RASSF8: variants seen among roughly 807,000 people sequenced by gnomAD.
RASSF8 encodes the protein ras association domain-containing protein 8.
RASSF8 carries 22 observed loss-of-function variants against 48.5 expected under a neutral mutation model. That is an observed-to-expected ratio of 0.45 (90% confidence interval 0.32 to 0.65). The LOEUF is 0.65. RASSF8 is among the 30% of genes least tolerant of loss of function. The pLI is 0.03. For synonymous variants in RASSF8, 127 were observed against 171.5 expected (o/e 0.74, Z 2.03); for missense variants, 418 against 489.2 (o/e 0.85, Z 1.37).
downstream of RASSF8, among the ~76,000 whole-genome samples, chr12:26,076,333 G>A (rs549291828): frequency 6.6e-6 from 1 of 152,002 alleles, no homozygotes; most frequent in South Asian, 2.1e-4. Context: ...TGTTACATAG[G>A]TATACATGTG....
chr12:26,074,116 C>T (rs1944049146), downstream of RASSF8, among the ~76,000 whole-genome samples: 2 of 152,100 alleles, frequency 1.3e-5, no homozygotes, highest in African/African-American at 4.8e-5. Flanking sequence ...TCCACCCTGT[C>T]CTCTAAAATC....
intron 2 of RASSF8, among the ~76,000 whole-genome samples, chr12:26,047,162 A>C (rs16929958): frequency 0.039 from 5,897 of 152,272 alleles, 542 homozygotes; most frequent in East Asian, 0.27. Context: ...ATTGCAAAAC[A>C]GATGGCTTTT....
intron 3 of RASSF8, among the ~76,000 whole-genome samples, chr12:26,058,066 T>C (rs1943649539): frequency 1.3e-5 from 2 of 152,226 alleles, no homozygotes; most frequent in South Asian, 2.1e-4. Context: ...CAGAGTATAC[T>C]TATTTGTGAA....
At chr12:26,050,700 G>C (rs935930229) in intron 2 of RASSF8, among the ~76,000 whole-genome samples, 6 of 152,190 alleles carry the variant, frequency 3.9e-5, no homozygotes, top group African/African-American at 1.4e-4. Context: ...TGTATGTTCA[G>C]ACATATTTTA....
intron 2 of RASSF8, chr12:26,020,587 T>TC (rs1942765154): frequency 2.6e-5 from 4 of 152,156 alleles, no homozygotes; most frequent in Admixed American, 6.5e-5. Context: ...TGAGCTGAGC[T>TC]ATCTGCTGTG....
chr12:26,051,229 G>A (rs553689850), intron 2 of RASSF8, among the ~76,000 whole-genome samples: 1 of 152,214 alleles, frequency 6.6e-6, no homozygotes, highest in Middle Eastern at 3.4e-3. Flanking sequence ...CATGGTGCAT[G>A]GTGCCTAACA....
chr12:26,001,987 G>T (rs1942269562), intron 2 of RASSF8, among the ~76,000 whole-genome samples: 1 of 152,202 alleles, frequency 6.6e-6, no homozygotes, highest in Admixed American at 6.5e-5. Flanking sequence ...AATGCATTGT[G>T]CTACAATGCT....
intron 2 of RASSF8, among the ~76,000 whole-genome samples, chr12:25,996,624 C>T (rs1377859063): frequency 6.6e-6 from 1 of 152,204 alleles, no homozygotes; most frequent in Non-Finnish European, 1.5e-5. Flanking sequence ...TCTTCTCAAA[C>T]ATTCAATATT....
intron 1 of RASSF8, among the ~76,000 whole-genome samples, chr12:25,969,644 G>A (rs762256705): frequency 3.3e-5 from 5 of 152,178 alleles, no homozygotes; most frequent in South Asian, 2.1e-4. Context: ...ATATTTTGGC[G>A]GGGTGGCTGG....
At chr12:25,998,261 A>G (rs1942176033) in intron 2 of RASSF8, among the ~76,000 whole-genome samples, 1 of 152,156 alleles carries the variant, frequency 6.6e-6, no homozygotes, top group Admixed American at 6.5e-5. Flanking sequence ...TATTAGTGGA[A>G]TCAGCTTACT....
intron 1 of RASSF8, among the ~76,000 whole-genome samples, chr12:25,964,719 A>T (rs1941316644): frequency 6.6e-6 from 1 of 152,220 alleles, no homozygotes; most frequent in Admixed American, 6.5e-5. Flanking sequence ...TTTGCTTAAA[A>T]TATTTGAGTG....
At chr12:25,988,760 G>A (rs1034590333) in intron 1 of RASSF8, among the ~76,000 whole-genome samples, 1 of 152,106 alleles carries the variant, frequency 6.6e-6, no homozygotes, top group African/African-American at 2.4e-5. Flanking sequence ...CCTGTGCTAG[G>A]TGGTGGGACC....
intron 1 of RASSF8, among the ~76,000 whole-genome samples, chr12:25,967,530 G>C (rs993926631): frequency 6.6e-6 from 1 of 152,146 alleles, no homozygotes; most frequent in African/African-American, 2.4e-5. Context: ...ATTGGAAAGA[G>C]TGCCCACTTA....
intron 2 of RASSF8, among the ~76,000 whole-genome samples, chr12:26,008,794 A>G (rs1942455228): frequency 6.6e-6 from 1 of 152,126 alleles, no homozygotes; most frequent in Non-Finnish European, 1.5e-5. Flanking sequence ...CTTGGAAGGT[A>G]CTTTGGAGAT....
At chr12:26,019,583 G>A (rs1369655135) in intron 2 of RASSF8, among the ~76,000 whole-genome samples, 2 of 150,942 alleles carry the variant, frequency 1.3e-5, no homozygotes, top group Non-Finnish European at 2.9e-5. Flanking sequence ...GTGTGTGTGT[G>A]TGTGTGTGTG....
intron 2 of RASSF8, among the ~76,000 whole-genome samples, chr12:26,045,287 T>C (rs1453296365): frequency 1.3e-5 from 2 of 152,182 alleles, no homozygotes; most frequent in African/African-American, 4.8e-5. Context: ...TTTTATCAAC[T>C]GAATAAGTAT....
At chr12:25,986,589 A>G (rs10771252) in intron 1 of RASSF8, among the ~76,000 whole-genome samples, 72,807 of 151,954 alleles carry the variant, frequency 0.48, 18,088 homozygotes, top group Non-Finnish European at 0.56. Flanking sequence ...TTCAAGCCCC[A>G]CAAGAGCAGC....
At chr12:26,025,419 T>C (rs1169469198) in intron 2 of RASSF8, among the ~76,000 whole-genome samples, 1 of 151,796 alleles carries the variant, frequency 6.6e-6, no homozygotes, top group East Asian at 1.9e-4. Context: ...TAGCCAGGCG[T>C]GTTGGCGGGC....
At chr12:25,959,874 T>C (rs7965337) in intron 1 of RASSF8, 9,692 of 152,292 alleles carry the variant, frequency 0.064, 418 homozygotes, top group Non-Finnish European at 0.09. Flanking sequence ...GCTAAACCAC[T>C]ACTTTCCCAG....
Sources: allele counts gnomAD v4.1 joint callset (sites outside exome capture counted in the v4.1 genomes callset), GRCh38; gene constraint gnomAD v4.1.1; transcripts MANE v1.5; gene names NCBI Gene and HGNC (gene_info 2026-07-23, HGNC 2026-07-21).